CRPPA: variants seen among roughly 807,000 people sequenced by gnomAD.
CRPPA encodes CDP-L-ribitol pyrophosphorylase A.
In CRPPA, 43 loss-of-function variants were observed where a neutral mutation model predicts 52.0. That is an observed-to-expected ratio of 0.83 (90% confidence interval 0.65 to 1.07). The LOEUF (loss-of-function observed/expected upper bound fraction) is 1.07, where lower values mean the gene tolerates loss of function less well. Ranked by LOEUF, CRPPA falls within the 50% of genes least tolerant of loss-of-function variation. CRPPA has a pLI of 0.00. For synonymous variants in CRPPA, 250 were observed against 203.5 expected (o/e 1.23, Z -1.94); for missense variants, 629 against 551.7 (o/e 1.14, Z -1.40).
chr7:16,223,809 C>T (rs560247667), intron 8 of CRPPA, among the ~76,000 whole-genome samples: 31 of 152,222 alleles, frequency 2.0e-4, no homozygotes, highest in African/African-American at 7.5e-4. Context: ...GGCTTGCATC[C>T]ATTTAAATAC....
chr7:16,411,254 G>T (rs1181570197), intron 1 of CRPPA, among the ~76,000 whole-genome samples: 1 of 152,032 alleles, frequency 6.6e-6, no homozygotes, highest in African/African-American at 2.4e-5. Context: ...TAATCACACA[G>T]CTCAGAAACT....
chr7:16,299,501 C>A (rs1457436071), intron 5 of CRPPA, among the ~76,000 whole-genome samples: 3 of 152,070 alleles, frequency 2.0e-5, no homozygotes, highest in Non-Finnish European at 2.9e-5. Flanking sequence ...AGATTCTAGT[C>A]CTCAGGTAAT....
intron 3 of CRPPA, among the ~76,000 whole-genome samples, chr7:16,336,805 A>G (rs10278547): frequency 0.017 from 2,543 of 152,256 alleles, 64 homozygotes; most frequent in African/African-American, 0.058. Context: ...GACATTCCAC[A>G]TGAATAAAAA....
At chr7:16,267,424 C>G (rs912331467) in intron 6 of CRPPA, among the ~76,000 whole-genome samples, 9 of 152,154 alleles carry the variant, frequency 5.9e-5, no homozygotes, top group African/African-American at 2.2e-4. Context: ...ACAGTTGATA[C>G]TGATATAACT....
At chr7:16,148,014 T>C (rs1209753588) in intron 9 of CRPPA, among the ~76,000 whole-genome samples, 1 of 152,172 alleles carries the variant, frequency 6.6e-6, no homozygotes. Context: ...CCTCAAACTA[T>C]AATAATCAGT....
chr7:16,164,729 T>G (rs1293313553), intron 9 of CRPPA, among the ~76,000 whole-genome samples: 1 of 152,168 alleles, frequency 6.6e-6, no homozygotes, highest in Non-Finnish European at 1.5e-5. Flanking sequence ...GATGCTATTG[T>G]TTTCTGTTTG....
At chr7:16,263,055 T>C (rs17169381) in intron 6 of CRPPA, among the ~76,000 whole-genome samples, 15,793 of 152,226 alleles carry the variant, frequency 0.1, 1,131 homozygotes, top group African/African-American at 0.19. Context: ...TATTTTTATA[T>C]TGTACATCTT....
At chr7:16,308,659 G>A (rs761318777) in intron 3 of CRPPA, 32 bp from the exon 4 acceptor site, 1 of 1,264,776 alleles carries the variant, frequency 7.9e-7, no homozygotes, top group Non-Finnish European at 1.1e-6. Flanking sequence ...CAACAATTAA[G>A]CTAAAATGCG....
At chr7:16,275,782 G>C (rs80196003) in intron 6 of CRPPA, among the ~76,000 whole-genome samples, 140 of 151,740 alleles carry the variant, frequency 9.2e-4, no homozygotes, top group African/African-American at 3.3e-3. Flanking sequence ...AGGCTGCAAT[G>C]AGCCATGATA....
chr7:16,269,087 T>C (rs1037165288), intron 6 of CRPPA: 2 of 152,248 alleles, frequency 1.3e-5, no homozygotes, highest in African/African-American at 4.8e-5. Flanking sequence ...CATATTTGGC[T>C]GTTGGCCCGG....
In CRPPA at chr7:16,113,723, C is replaced by T. The variant is rs148785311; in HGVS notation, c.1252-21924G>A. 7.9e-4 allele frequency among the ~76,000 whole-genome samples: 119 copies of T among 151,424 alleles called. 6 individuals are homozygous for T. In the East Asian group the frequency reaches 0.022, roughly 28 times the overall value. On this transcript the variant is annotated intron_variant, in intron 9 of 9. Transcript: ENST00000407010. ...AACTAGAATGTTTACAACACTCCCC[C>T]CTCCACACACCAACATTATTTTTCA...
chr7:16,279,533 G>C (rs1784277226), intron 5 of CRPPA, among the ~76,000 whole-genome samples: 1 of 152,146 alleles, frequency 6.6e-6, no homozygotes, highest in African/African-American at 2.4e-5. Context: ...GTAATTCTAA[G>C]TTACGTGGTG....
chr7:16,314,554 T>C (rs1044705409), intron 3 of CRPPA, among the ~76,000 whole-genome samples: 2 of 152,108 alleles, frequency 1.3e-5, no homozygotes, highest in African/African-American at 2.4e-5. Flanking sequence ...CTGACCTATA[T>C]AAATTTCTGG....
chr7:16,277,945 G>A (rs928889330), intron 6 of CRPPA, among the ~76,000 whole-genome samples, 184 bp downstream of exon 6: 2 of 152,152 alleles, frequency 1.3e-5, no homozygotes, highest in African/African-American at 4.8e-5. Flanking sequence ...CAAAAGGAAT[G>A]AAAAGGGGGA....
At chr7:16,095,184 C>T (rs1019490209) in intron 9 of CRPPA, among the ~76,000 whole-genome samples, 11 of 152,150 alleles carry the variant, frequency 7.2e-5, no homozygotes, top group East Asian at 3.9e-4. Flanking sequence ...TGTTATGTTC[C>T]GGATTACAAA....
chr7:16,213,030 T>A (rs752343333), intron 9 of CRPPA, among the ~76,000 whole-genome samples: 11 of 152,196 alleles, frequency 7.2e-5, no homozygotes, highest in Non-Finnish European at 1.2e-4. Flanking sequence ...GAAGTTCACA[T>A]GCAAAATTGA....
chr7:16,265,986 T>C (rs73684116), intron 6 of CRPPA, among the ~76,000 whole-genome samples: 6,377 of 152,200 alleles, frequency 0.042, 458 homozygotes, highest in African/African-American at 0.15. Flanking sequence ...TCAGTGTTAC[T>C]CTAGGTACTA....
Position 16,376,226 on chromosome 7 carries a change from G to A in CRPPA, c.550C>T (p.Arg184Ter), listed in dbSNP as rs370499190. Residue 184 changes from arginine (R) to a stop codon, truncating the protein, a stop_gained, in exon 3 of 10, where the codon CGA (arginine) becomes TGA (stop). Transcript: ENST00000407010. LOFTEE classifies it high-confidence loss of function. ...AKEHGAAGAI[R>*]PLVSTVVSPS... ...CTGACGACAGTAGATACAAGAGGTC[G>A]AATGGCTCCTGCTGCCTGAAGAACA... 5.0e-6 allele frequency: 8 copies of A among 1,606,238 alleles called. No homozygotes were observed. The highest frequency in any genetic ancestry group is 2.2e-5 in the East Asian group (1 of 44,672).
At chr7:16,239,559 C>CAAAAAAAAAAAAAAAAAAAAAAAAAA (rs751232682) in intron 8 of CRPPA, among the ~76,000 whole-genome samples, 1 of 47,630 alleles carries the variant, frequency 2.1e-5, no homozygotes, top group Non-Finnish European at 3.9e-5. Context: ...AAGTCAATAG[C>CAAAAAAAAAAAAAAAAAAAAAAAAAA]AAAAAAAAAA....
Sources: gnomAD v4.1 joint callset for allele counts (sites outside exome capture counted in the v4.1 genomes callset) on GRCh38, gnomAD v4.1.1 for gene constraint, MANE v1.5 for transcripts, NCBI Gene and HGNC (gene_info 2026-07-23, HGNC 2026-07-21) for gene names.